The following DHX36 variants were observed in gnomAD, a reference collection of about 807,000 sequenced individuals.
DHX36 encodes DEAH-box helicase 36.
A neutral mutation model predicts 139.0 loss-of-function variants in DHX36; 50 were observed. The observed-to-expected ratio is 0.36, with a 90% CI of 0.29 to 0.46. The LOEUF (loss-of-function observed/expected upper bound fraction) is 0.46. Ranked by LOEUF, DHX36 falls within the 20% of genes least tolerant of loss-of-function variation. DHX36 has a pLI of 1.00. For synonymous variants in DHX36, 425 were observed against 401.9 expected (o/e 1.06, Z -0.69); for missense variants, 1,024 against 1,211.3 (o/e 0.85, Z 2.29).
chr3:154,304,871 C>A lies in DHX36; in HGVS notation c.1070G>T (p.Arg357Leu). Residue 357 changes from arginine to leucine, a missense_variant, in exon 8 of 25, where the codon CGA becomes CTA. Physicochemically the swap from Arg to Leu is moderately radical, Grantham distance 102. Transcript: ENST00000496811. Reference protein sequence around the residue: ...MTVVKDLLNFRSDLKVILMSA... With the variant: ...MTVVKDLLNFLSDLKVILMSA... Reference sequence around the variant, plus strand: ...CATCAATATTACTTTCAAGTCAGATCGAAAATTGAGAAGGTCTTTAACAAC... The same window carrying A: ...CATCAATATTACTTTCAAGTCAGATAGAAAATTGAGAAGGTCTTTAACAAC... The A allele has an allele frequency of 6.2e-7, 1 of 1,608,882 alleles. No individual in the cohort carries two copies. Among genetic ancestry groups the A allele is most frequent in the African/African-American group, 1.3e-5 (1 of 74,640 alleles).
intron 6 of DHX36, among the ~76,000 whole-genome samples, chr3:154,305,859 G>A (rs1296624265): frequency 8.5e-5 from 13 of 152,190 alleles, no homozygotes; most frequent in Non-Finnish European, 1.0e-4. Flanking sequence ...GAGTTGGATA[G>A]GGGGTTAAGA....
chr3:154,277,038 G>C (rs945842801), intron 23 of DHX36, 139 bp from the exon 24 acceptor site: 15 of 739,528 alleles, frequency 2.0e-5, no homozygotes, highest in Admixed American at 3.7e-5. Context: ...ACAGAGATTT[G>C]TAAGAAATAC....
chr3:154,307,860 G>A (rs1576876158), intron 5 of DHX36, among the ~76,000 whole-genome samples: 5 of 151,950 alleles, frequency 3.3e-5, no homozygotes, highest in Admixed American at 6.5e-5. Context: ...GTAAAGATAC[G>A]GAATCAATCT....
intron 12 of DHX36, chr3:154,299,596 C>CT: frequency 2.3e-6 from 1 of 439,998 alleles, no homozygotes; most frequent in Non-Finnish European, 4.2e-6. Context: ...CAAGGGATTT[C>CT]TTTTTTGCAG....
At chr3:154,300,729 TTAA>T in intron 10 of DHX36, 33 bp from the exon 11 acceptor site, 1 of 1,540,830 alleles carries the variant, frequency 6.5e-7, no homozygotes, top group Non-Finnish European at 8.9e-7. Context: ...CATGAAATAC[TTAA>T]TCAAGTTTTC....
rs755674774 is a variant in DHX36, at chr3:154,276,178, TA to T, written c.3019del (p.Tyr1007ThrfsTer10). On this transcript the variant is annotated frameshift_variant, in exon 25 of 25. Transcript: ENST00000496811. LOFTEE classifies it high-confidence loss of function. The stretch of plus-strand genomic sequence containing the variant: ...ACCACCCCTGAAAAGCTGTCAGCTG[TA>T]ATATCCATCCTGGAATCGTGGCGGA... ...NFPPRFQDGY[Y>X]S 6.2e-7 allele frequency: 1 copy of T among 1,611,216 alleles called. No individual in the cohort carries two copies. The highest frequency in any genetic ancestry group is 2.2e-5 in the East Asian group (1 of 44,736).
At chr3:154,306,190 G>C (rs1231240660) in intron 6 of DHX36, 26 bp downstream of exon 6, 1 of 1,534,594 alleles carries the variant, frequency 6.5e-7, no homozygotes, top group South Asian at 1.1e-5. Flanking sequence ...AAATCTGCCT[G>C]TATATAAGAA....
At chr3:154,293,472 C>G (rs1576865204) in intron 14 of DHX36, among the ~76,000 whole-genome samples, 1 of 152,228 alleles carries the variant, frequency 6.6e-6, no homozygotes, top group African/African-American at 2.4e-5. Flanking sequence ...GTACAAGCTA[C>G]TTGGGAGGCT....
At position 154,309,542 on chromosome 3, in the gene DHX36, A is replaced by G. The variant is rs115528728; in HGVS notation, c.813+111T>C. The G allele has an allele frequency of 1.2e-3, 1,050 of 902,130 alleles. 7 individuals carry two copies. In the African/African-American group the frequency reaches 0.016, roughly 14 times the overall value. The allele number at this position is 902,130 out of a possible 1,614,324, so 55.9% of individuals were successfully genotyped here. On this transcript the variant is annotated intron_variant, in intron 5 of 24. Transcript: ENST00000496811. ...ATGTTAAGCAACTATTTGCTTTCAT[A>G]GTCACCAATCCTAAGCCTAATTAAG...
chr3:154,279,497 T>C (rs1210284587), intron 22 of DHX36: 2 of 152,220 alleles, frequency 1.3e-5, no homozygotes, highest in Non-Finnish European at 2.9e-5. Flanking sequence ...CCAAGTATTA[T>C]TTTGAAAAAG....
intron 9 of DHX36, among the ~76,000 whole-genome samples, chr3:154,302,630 C>T (rs1327589819): frequency 6.6e-6 from 1 of 152,034 alleles, no homozygotes; most frequent in Non-Finnish European, 1.5e-5. Flanking sequence ...ACAGTGAAAA[C>T]ATAAATGATT....
chr3:154,277,721 T>TTAAAAAAAGTTAAAA lies in DHX36; in HGVS notation c.2568-18_2568-4dup. ...CGGTTTTTGTGTAAACTTTTACCCT[T>TTAAAAAAAGTTAAAA]TAAAAAAAGTTAAAATGCAGTTTGT... On this transcript the variant is annotated splice_polypyrimidine_tract_variant and splice_region_variant and intron_variant, in intron 22 of 24. Coordinates refer to ENST00000496811, the MANE Select transcript of DHX36 (RefSeq NM_020865.3). 1.9e-6 allele frequency: 3 copies of TTAAAAAAAGTTAAAA among 1,591,524 alleles called. No homozygotes were observed. The highest frequency in any genetic ancestry group is 2.6e-6 in the Non-Finnish European group (3 of 1,167,792).
chr3:154,300,325 C>T (rs1712218344), intron 11 of DHX36, among the ~76,000 whole-genome samples: 1 of 152,198 alleles, frequency 6.6e-6, no homozygotes, highest in Non-Finnish European at 1.5e-5. Context: ...GCCTTGGCCT[C>T]CCAGAGTGCT....
chr3:154,300,541 T>C, intron 11 of DHX36, 53 bp downstream of exon 11: 1 of 1,397,012 alleles, frequency 7.2e-7, no homozygotes, highest in Non-Finnish European at 1.0e-6. Context: ...ATGGCCTTGA[T>C]ACGTTAATAA....
In DHX36 at chr3:154,285,107, A is replaced by AAT. The variant is rs1711509404; in HGVS notation, c.2032-122_2032-121dup. 4.1e-5 allele frequency: 41 copies of AAT among 1,011,730 alleles called. No homozygotes were observed. The South Asian group carries it at 6.7e-4, about 16-fold the overall frequency. 62.7% of individuals were successfully genotyped at this position (1,011,730 alleles called of 1,614,324 possible). On this transcript the variant is annotated intron_variant, in intron 17 of 24. Transcript: ENST00000496811. ...TCTCTCTTCTAAGTCCAAATGCCCA[A>AAT]ATATTGTTCAGCTTTAGTTTTCCCT...
At chr3:154,280,023 C>G (rs1559944049) in intron 22 of DHX36, 1 of 152,192 alleles carries the variant, frequency 6.6e-6, no homozygotes, top group Non-Finnish European at 1.5e-5. Context: ...AATTCTAATA[C>G]AGAGTGTCTT....
chr3:154,284,486 A>G (rs1711502161), intron 19 of DHX36, 97 bp downstream of exon 19: 1 of 1,134,356 alleles, frequency 8.8e-7, no homozygotes, highest in Non-Finnish European at 1.2e-6. Context: ...CGGCCTTATA[A>G]CAGAGATTTC....
intron 3 of DHX36, 58 bp from the exon 4 acceptor site, chr3:154,311,732 A>ATAATT: frequency 7.1e-7 from 1 of 1,405,272 alleles, no homozygotes; most frequent in Non-Finnish European, 9.8e-7. Flanking sequence ...AATTATAATC[A>ATAATT]TGGTATTTAG....
rs1203860909 is a variant in DHX36 at position 154,274,422 on chromosome 3, A to AT, written c.*1748dup. The AT allele has an allele frequency of 1.3e-5, 2 of 156,284 alleles. No homozygotes were observed. The highest frequency in any genetic ancestry group is 4.8e-5 in the African/African-American group (2 of 41,622). The allele number at this position is 156,284 out of a possible 1,614,324, so 9.7% of individuals were successfully genotyped here. ...TTTTATTATATCAACATAAGTCCACATGTAAAGCAGCTCTAGAATGGGTTA... is the reference window on the plus strand; with the variant it reads ...TTTTATTATATCAACATAAGTCCACATTGTAAAGCAGCTCTAGAATGGGTTA... On this transcript the variant is annotated 3_prime_UTR_variant, in exon 25 of 25. Coordinates refer to ENST00000496811, the MANE Select transcript of DHX36 (RefSeq NM_020865.3).
Sources: allele counts gnomAD v4.1 joint callset (sites outside exome capture counted in the v4.1 genomes callset), GRCh38; gene constraint gnomAD v4.1.1; transcripts MANE v1.5; gene names NCBI Gene and HGNC (gene_info 2026-07-23, HGNC 2026-07-21).